ZSWIM6: variants seen among roughly 807,000 people sequenced by gnomAD.
ZSWIM6 encodes the protein zinc finger SWIM-type containing 6.
Under a neutral mutation model 113.2 loss-of-function variants are expected in ZSWIM6, and 9 were observed. The ratio of observed to expected loss-of-function variants is 0.08; its 90% CI spans 0.05 to 0.14. The LOEUF is 0.14. Ranked by LOEUF, ZSWIM6 falls within the 10% of genes least tolerant of loss-of-function variation. The pLI is 1.00. For synonymous variants in ZSWIM6, 611 were observed against 606.5 expected, an observed-to-expected ratio of 1.01 and a Z score of -0.11; for missense variants, 1,162 against 1,552.2, an observed-to-expected ratio of 0.75 and a Z score of 4.22.
chr5:61,435,268 A>G (rs947072222), intron 1 of ZSWIM6, among the ~76,000 whole-genome samples: 3 of 152,154 alleles, frequency 2.0e-5, no homozygotes, highest in African/African-American at 7.2e-5. Flanking sequence ...TTTTCCCTTG[A>G]AGAGTTTTCA....
At chr5:61,442,599 T>C (rs2112148474) in intron 1 of ZSWIM6, among the ~76,000 whole-genome samples, 1 of 152,318 alleles carries the variant, frequency 6.6e-6, no homozygotes, top group South Asian at 2.1e-4. Flanking sequence ...TCATGTGAAA[T>C]GCAACAAGAA....
chr5:61,512,980 A>G (rs1423139576), intron 4 of ZSWIM6, among the ~76,000 whole-genome samples: 1 of 151,638 alleles, frequency 6.6e-6, no homozygotes, highest in East Asian at 1.9e-4. Context: ...ATTACCACCC[A>G]AAGTCCATAG....
At chr5:61,367,238 C>G (rs1745178160) in intron 1 of ZSWIM6, among the ~76,000 whole-genome samples, 1 of 152,006 alleles carries the variant, frequency 6.6e-6, no homozygotes, top group East Asian at 1.9e-4. Flanking sequence ...TTACATCAGG[C>G]CTTAAGTGCC....
chr5:61,486,017 A>G (rs944021942), intron 2 of ZSWIM6, among the ~76,000 whole-genome samples: 1 of 152,116 alleles, frequency 6.6e-6, no homozygotes, highest in African/African-American at 2.4e-5. Flanking sequence ...ATTTTGTTAC[A>G]TGCATAGATT....
intron 12 of ZSWIM6, among the ~76,000 whole-genome samples, chr5:61,541,026 C>T (rs1017015776): frequency 6.0e-5 from 9 of 151,026 alleles, no homozygotes; most frequent in African/African-American, 2.2e-4. Flanking sequence ...TCACTGCAAC[C>T]TCTGCCTCCT....
rs916306192 is a variant in ZSWIM6, at chr5:61,458,864, C to T, written c.677-13817C>T. 2.5e-4 allele frequency among the ~76,000 whole-genome samples: 36 copies of T among 143,052 alleles called. 1 individual carries two copies. The highest frequency in any genetic ancestry group is 1.5e-4 in the Admixed American group (2 of 13,604). The allele number at this position is 143,052 out of a possible 152,430, so 93.8% of individuals were successfully genotyped here. A position where few individuals can be genotyped will look rare whatever the true frequency, so the allele number is the denominator to read the frequency against. On this transcript the variant is annotated intron_variant, in intron 1 of 13. Coordinates refer to ENST00000252744, the MANE Select transcript of ZSWIM6 (RefSeq NM_020928.2). Reference sequence around the variant, plus strand: ...CTGCCCTTCAGCCTGGGCAACAGAGCGAGATTCCTTCTCAAAAAAAAAAAA... The same window carrying T: ...CTGCCCTTCAGCCTGGGCAACAGAGTGAGATTCCTTCTCAAAAAAAAAAAA...
intron 1 of ZSWIM6, chr5:61,375,315 C>T (rs1019082656): frequency 1.9e-6 from 3 of 1,606,940 alleles, no homozygotes; most frequent in Middle Eastern, 1.8e-4. Flanking sequence ...TGAATGAGAA[C>T]TGGAAGAAAG....
intron 1 of ZSWIM6, among the ~76,000 whole-genome samples, chr5:61,363,890 CTCCTTCCCTCCTTCCT>C (rs1561208157): frequency 8.1e-6 from 1 of 123,522 alleles, no homozygotes; most frequent in Non-Finnish European, 1.8e-5. Flanking sequence ...CCTTCCTTCC[CTCCTTCCCTCCTTCCT>C]TCCTTCCATT....
chr5:61,421,462 GT>G (rs1746353721), intron 1 of ZSWIM6, among the ~76,000 whole-genome samples: 1 of 152,096 alleles, frequency 6.6e-6, no homozygotes, highest in Admixed American at 6.6e-5. Flanking sequence ...TGGCTGTATA[GT>G]ATTCCATTGT....
rs1744274697 is a variant in ZSWIM6, at chr5:61,332,497, G to A, written c.225G>A (p.Glu75=). ...LLPPGKTQSP[E]SLLDIAARRV... ...CGCCGGGCAAGACCCAGAGCCCCGA[G>A]TCGCTGCTGGACATCGCGGCGCGCA... The change falls in exon 1 of 14, where the codon GAG becomes GAA. Residue 75 remains glutamate (E), a synonymous_variant. Coordinates refer to ENST00000252744, the MANE Select transcript of ZSWIM6 (RefSeq NM_020928.2). 1.2e-5 allele frequency: 15 copies of A among 1,273,338 alleles called. 1 individual carries two copies. Among genetic ancestry groups the A allele is most frequent in the South Asian group, 2.8e-5 (2 of 72,032 alleles). The allele number at this position is 1,273,338 out of a possible 1,614,324, so 78.9% of individuals were successfully genotyped here. A position where few individuals can be genotyped will look rare whatever the true frequency, so the allele number is the denominator to read the frequency against.
intron 2 of ZSWIM6, among the ~76,000 whole-genome samples, chr5:61,480,714 T>G (rs946843907): frequency 6.6e-5 from 10 of 152,162 alleles, no homozygotes; most frequent in African/African-American, 2.2e-4. Flanking sequence ...TTTTCAGAGG[T>G]CTTCTAGTTC....
chr5:61,454,917 G>A (rs1325411447), intron 1 of ZSWIM6, among the ~76,000 whole-genome samples: 1 of 150,146 alleles, frequency 6.7e-6, no homozygotes, highest in African/African-American at 2.5e-5. Flanking sequence ...CTCCTTTCTG[G>A]CACCATCACA....
chr5:61,529,186 A>G (rs1749366056), intron 7 of ZSWIM6, among the ~76,000 whole-genome samples: 1 of 152,172 alleles, frequency 6.6e-6, no homozygotes, highest in African/African-American at 2.4e-5. Context: ...CAGGCCGGGC[A>G]ACAAGAGTGA....
rs1580076816 is a variant in ZSWIM6 at position 61,543,832 on chromosome 5, A to G, written c.3163A>G (p.Thr1055Ala). Residue 1055 changes from threonine (T) to alanine (A), a missense_variant, in exon 14 of 14, where the codon ACC (threonine) becomes GCC (alanine). Around this residue, in one of 4 missense-constraint regions of ZSWIM6, gnomAD observed 113 missense variants for 213.8 expected, o/e 0.53. Coordinates refer to ENST00000252744, the MANE Select transcript of ZSWIM6 (RefSeq NM_020928.2). The surrounding 1 kb of genome is among the most constrained non-coding windows in gnomAD (Gnocchi z 4.3). ...RAYKLATLAM[T>A]HLNLSYNQDT... ...CTACAAGCTGGCCACCCTGGCCATGACCCATCTCAACCTGAGCTACAATCA... is the reference window on the plus strand; with the variant it reads ...CTACAAGCTGGCCACCCTGGCCATGGCCCATCTCAACCTGAGCTACAATCA... 6 of 1,551,894 alleles carry G rather than the reference A, an allele frequency of 3.9e-6. No homozygotes were observed. In the East Asian group the frequency reaches 1.5e-4, roughly 38 times the overall value.
At chr5:61,362,065 A>C (rs1436608663) in intron 1 of ZSWIM6, among the ~76,000 whole-genome samples, 3 of 152,226 alleles carry the variant, frequency 2.0e-5, no homozygotes, top group South Asian at 4.1e-4. Context: ...ATTCTTAGAT[A>C]TGTATCAGCA....
At chr5:61,430,339 A>G (rs1206881301) in intron 1 of ZSWIM6, among the ~76,000 whole-genome samples, 2 of 152,230 alleles carry the variant, frequency 1.3e-5, no homozygotes, top group African/African-American at 2.4e-5. Flanking sequence ...GTAATATTCT[A>G]TAATTTTCCT....
At chr5:61,457,307 A>G (rs1425921891) in intron 1 of ZSWIM6, among the ~76,000 whole-genome samples, 1 of 152,196 alleles carries the variant, frequency 6.6e-6, no homozygotes, top group African/African-American at 2.4e-5. Context: ...TTCGATTTAT[A>G]CATGAATAGC....
chr5:61,475,995 C>T (rs1747700227), intron 2 of ZSWIM6, among the ~76,000 whole-genome samples: 1 of 152,124 alleles, frequency 6.6e-6, no homozygotes, highest in Non-Finnish European at 1.5e-5. Context: ...AAAAGCATCA[C>T]TTTTACCTCG....
intron 1 of ZSWIM6, among the ~76,000 whole-genome samples, chr5:61,424,851 C>T (rs1746432077): frequency 6.6e-6 from 1 of 151,692 alleles, no homozygotes; most frequent in Admixed American, 6.6e-5. Context: ...CCTCAGCCTC[C>T]TGGATAGCTG....
Sources: gnomAD v4.1 joint callset for allele counts (sites outside exome capture counted in the v4.1 genomes callset) on GRCh38, gnomAD v4.1.1 for gene constraint, gnomAD v4.1.1 regional missense constraint, Gnocchi (gnomAD v3.1) non-coding constraint, MANE v1.5 for transcripts, NCBI Gene and HGNC (gene_info 2026-07-23, HGNC 2026-07-21) for gene names.